The following LOXL2 variants were observed in gnomAD, a reference collection of about 807,000 sequenced individuals.
LOXL2 encodes lysyl oxidase homolog 2.
Under a neutral mutation model 93.0 loss-of-function variants are expected in LOXL2, and 70 were observed. The observed-to-expected ratio is 0.75, with a 90% CI of 0.62 to 0.92. The LOEUF (loss-of-function observed/expected upper bound fraction) is 0.92, where lower values mean the gene tolerates loss of function less well. Among genes scored for constraint, LOXL2 ranks in the 40% least tolerant of loss-of-function variants. LOXL2 has a pLI of 0.00. For missense variants in LOXL2, 973 were observed against 1,054.9 expected (o/e 0.92, Z 1.08); for synonymous variants, 438 against 413.2 (o/e 1.06, Z -0.73).
At position 23,317,074 on chromosome 8, in the gene LOXL2, A is replaced by T. The variant is rs1164020897; in HGVS notation, c.1511T>A (p.Val504Glu). 4 of 1,614,020 alleles carry T rather than the reference A, an allele frequency of 2.5e-6. No individual in the cohort carries two copies. In the Admixed American group the frequency reaches 6.7e-5, roughly 27 times the overall value. ...CGAGCACTTCACTCCACTCATGACC[A>T]CTTTGTTGCTGTTGACATCTCCGTG... ...YWHGDVNSNK[V>E]VMSGVKCSGT... The change falls in exon 9 of 14, where the codon GTG becomes GAG. Residue 504 changes from valine (V) to glutamate (E), a missense_variant. Transcript: ENST00000389131.
At chr8:23,298,316 G>C (rs556081976) in intron 13 of LOXL2, among the ~76,000 whole-genome samples, 194 bp from the exon 14 acceptor site, 1 of 152,206 alleles carries the variant, frequency 6.6e-6, no homozygotes, top group African/African-American at 2.4e-5. Flanking sequence ...TTGAGTGAAC[G>C]AGTGAATAAA....
intron 3 of LOXL2, among the ~76,000 whole-genome samples, chr8:23,356,731 G>T (rs945239615): frequency 2.6e-5 from 4 of 152,216 alleles, no homozygotes; most frequent in Non-Finnish European, 5.9e-5. Flanking sequence ...ACAGCCAGAG[G>T]GAGGCCTTCT....
At chr8:23,342,606 T>C (rs1803901252) in intron 3 of LOXL2, among the ~76,000 whole-genome samples, 3 of 152,068 alleles carry the variant, frequency 2.0e-5, no homozygotes, top group Admixed American at 2.0e-4. Flanking sequence ...CAATTGTTTG[T>C]ATTTTTAGTA....
chr8:23,300,011 G>T (rs558855480), intron 12 of LOXL2, among the ~76,000 whole-genome samples: 1 of 152,338 alleles, frequency 6.6e-6, no homozygotes, highest in East Asian at 1.9e-4. Context: ...GGGGCGGCTT[G>T]AGTTTTTTCT....
intron 5 of LOXL2, 144 bp from the exon 6 acceptor site, chr8:23,328,709 A>ATGTGTG (rs60768341): frequency 0.13 from 59,073 of 456,926 alleles, 1,686 homozygotes; most frequent in Non-Finnish European, 0.14. Context: ...TGATGTATGG[A>ATGTGTG]TGTGTGTGTG....
At chr8:23,307,282 G>T (rs1394226960) in intron 10 of LOXL2, among the ~76,000 whole-genome samples, 1 of 152,180 alleles carries the variant, frequency 6.6e-6, no homozygotes, top group Non-Finnish European at 1.5e-5. Context: ...GGAGCTCGAG[G>T]TACTCCTCTT....
chr8:23,359,615 C>A (rs1187232916), intron 3 of LOXL2, among the ~76,000 whole-genome samples: 23 of 152,204 alleles, frequency 1.5e-4, no homozygotes, highest in Non-Finnish European at 5.9e-5. Context: ...TAGCTAAGCC[C>A]TTCCTCAATT....
chr8:23,328,602 G>A, intron 5 of LOXL2, 37 bp from the exon 6 acceptor site: 1 of 1,601,598 alleles, frequency 6.2e-7, no homozygotes, highest in Non-Finnish European at 8.5e-7. Flanking sequence ...TACAGACGCT[G>A]ATGCACGTTC....
rs77200297 is a variant in LOXL2 at position 23,334,826 on chromosome 8, T to G, written c.744-1203A>C. On this transcript the variant is annotated intron_variant, in intron 4 of 13. Transcript: ENST00000389131. ...CAGTTTATTTATTTGTTGTTGTTTT[T>G]TTTTTTTTGAGATGGAGTCTCACTC... Among the ~76,000 whole-genome samples, 1,291 of 151,886 alleles carry G rather than the reference T, an allele frequency of 8.5e-3. 83 individuals are homozygous for G. In the East Asian group the frequency reaches 0.16, roughly 19 times the overall value.
chr8:23,379,099 C>G (rs1311201107), intron 1 of LOXL2, among the ~76,000 whole-genome samples: 1 of 152,204 alleles, frequency 6.6e-6, no homozygotes, highest in Non-Finnish European at 1.5e-5. Context: ...TGGTGACATA[C>G]AGATGGGGTT....
chr8:23,350,117 CAT>C (rs1804067258), intron 3 of LOXL2, among the ~76,000 whole-genome samples: 1 of 152,230 alleles, frequency 6.6e-6, no homozygotes, highest in East Asian at 1.9e-4. Context: ...GACACCAACA[CAT>C]AGTTACTGAA....
intron 3 of LOXL2, among the ~76,000 whole-genome samples, chr8:23,347,992 G>A (rs1380628962): frequency 6.6e-6 from 1 of 151,830 alleles, no homozygotes; most frequent in Admixed American, 6.6e-5. Flanking sequence ...AAGAAAATGT[G>A]GCACATATAC....
chr8:23,322,852 G>A (rs1471151176), intron 6 of LOXL2, among the ~76,000 whole-genome samples: 1 of 152,240 alleles, frequency 6.6e-6, no homozygotes, highest in Admixed American at 6.5e-5. Flanking sequence ...GCTAGGGGCT[G>A]AGGATTCAAA....
intron 1 of LOXL2, among the ~76,000 whole-genome samples, chr8:23,376,377 C>T (rs1275498860): frequency 5.9e-5 from 9 of 152,198 alleles, no homozygotes; most frequent in Admixed American, 2.6e-4. Context: ...CGATATTCAT[C>T]AGGGATATTG....
At chr8:23,373,910 A>T (rs1804543385) in intron 1 of LOXL2, among the ~76,000 whole-genome samples, 1 of 151,874 alleles carries the variant, frequency 6.6e-6, no homozygotes, top group South Asian at 2.1e-4. Flanking sequence ...AGATCCTCTA[A>T]TCCTGTCCCA....
chr8:23,332,190 A>ACCCCACACACACCCACACC (rs59892360), intron 5 of LOXL2, among the ~76,000 whole-genome samples: 3 of 141,950 alleles, frequency 2.1e-5, no homozygotes, highest in African/African-American at 7.9e-5. Context: ...ACACACACAC[A>ACCCCACACACACCCACACC]CACCCCACAC....
intron 1 of LOXL2, among the ~76,000 whole-genome samples, chr8:23,385,244 CTT>C (rs67050683): frequency 0.12 from 16,059 of 132,490 alleles, 1,089 homozygotes; most frequent in Admixed American, 0.17. Context: ...GATTTTTTTT[CTT>C]TTTTTTTTTT....
chr8:23,314,071 T>A (rs1803356129), intron 9 of LOXL2, among the ~76,000 whole-genome samples: 1 of 147,372 alleles, frequency 6.8e-6, no homozygotes, highest in African/African-American at 2.5e-5. Flanking sequence ...ATCAGAGAAA[T>A]GCAAATCAAA....
intron 3 of LOXL2, among the ~76,000 whole-genome samples, chr8:23,355,832 C>A (rs10097939): frequency 0.19 from 29,029 of 151,632 alleles, 3,663 homozygotes; most frequent in African/African-American, 0.36. Flanking sequence ...TGGTCTCAAA[C>A]TCCTGGGCTC....
Sources: gnomAD v4.1 joint callset for allele counts (sites outside exome capture counted in the v4.1 genomes callset) on GRCh38, gnomAD v4.1.1 for gene constraint, MANE v1.5 for transcripts, NCBI Gene and HGNC (gene_info 2026-07-23, HGNC 2026-07-21) for gene names.